POU6F2: variants seen among roughly 807,000 people sequenced by gnomAD.
POU6F2 encodes POU domain, class 6, transcription factor 2.
A neutral mutation model predicts 71.3 loss-of-function variants in POU6F2; 31 were observed. The ratio of observed to expected loss-of-function variants is 0.43; its 90% confidence interval spans 0.33 to 0.59. The LOEUF (loss-of-function observed/expected upper bound fraction) is 0.59. Ranked by LOEUF, POU6F2 falls within the 20% of genes least tolerant of loss-of-function variation. POU6F2 has a pLI of 0.04. For synonymous variants in POU6F2, 347 were observed against 355.7 expected (o/e 0.98, Z 0.27); for missense variants, 783 against 856.8 (o/e 0.91, Z 1.07).
chr7:39,431,454 G>A (rs976323766), intron 6 of POU6F2, among the ~76,000 whole-genome samples: 1 of 152,228 alleles, frequency 6.6e-6, no homozygotes, highest in African/African-American at 2.4e-5. Context: ...CATTTACTGA[G>A]AAACTATGTT....
At chr7:39,053,980 G>T (rs1047446755) in intron 1 of POU6F2, among the ~76,000 whole-genome samples, 1 of 151,968 alleles carries the variant, frequency 6.6e-6, no homozygotes. Flanking sequence ...GCACGTGCCT[G>T]TAGTACTAGC....
intron 5 of POU6F2, among the ~76,000 whole-genome samples, chr7:39,379,361 A>G (rs918436575): frequency 3.9e-5 from 6 of 152,152 alleles, no homozygotes; most frequent in Non-Finnish European, 8.8e-5. Context: ...CTGTAAATCA[A>G]TAGTGCTTTA....
intron 1 of POU6F2, among the ~76,000 whole-genome samples, chr7:39,057,769 G>T (rs905392145): frequency 4.6e-5 from 7 of 152,106 alleles, no homozygotes; most frequent in African/African-American, 1.4e-4. Flanking sequence ...AGGCTTTTCA[G>T]TTGACAGTTC....
chr7:39,279,839 C>T (rs1784528511), intron 4 of POU6F2, among the ~76,000 whole-genome samples: 1 of 152,210 alleles, frequency 6.6e-6, no homozygotes, highest in African/African-American at 2.4e-5. Flanking sequence ...CTCCACCTCC[C>T]GGGTTCAAGT....
intron 1 of POU6F2, among the ~76,000 whole-genome samples, chr7:39,007,746 A>C (rs1004714654): frequency 6.6e-6 from 1 of 151,068 alleles, no homozygotes; most frequent in African/African-American, 2.4e-5. Context: ...CTCATTGTTC[A>C]GTTCCCACCT....
intron 4 of POU6F2, among the ~76,000 whole-genome samples, chr7:39,254,871 C>T (rs980356170): frequency 2.0e-5 from 3 of 152,134 alleles, no homozygotes; most frequent in East Asian, 1.9e-4. Flanking sequence ...AGTTTAGGGC[C>T]GCAGCAGCAG....
intron 1 of POU6F2, among the ~76,000 whole-genome samples, chr7:39,044,832 G>T (rs1006929953): frequency 1.3e-5 from 2 of 151,906 alleles, no homozygotes; most frequent in Non-Finnish European, 2.9e-5. Flanking sequence ...TAAGAAGGCT[G>T]TGATTTTTTT....
intron 1 of POU6F2, among the ~76,000 whole-genome samples, chr7:39,055,221 G>C (rs1474278638): frequency 1.3e-5 from 2 of 152,138 alleles, no homozygotes; most frequent in African/African-American, 4.8e-5. Context: ...GTATGTCAGT[G>C]TGTGACTCTT....
rs556594499 is a variant in POU6F2, at chr7:39,307,780, C to G, written c.599-31862C>G. Among the ~76,000 whole-genome samples, 370 of 152,160 alleles carry G rather than the reference C, an allele frequency of 2.4e-3. 3 individuals are homozygous for G. The highest frequency in any genetic ancestry group is 8.4e-3 in the African/African-American group (350 of 41,512). ...GTCAGTAGTTCAAGACCAGCATGGT[C>G]AACATGGCAAAACCCCGTCTCTACT... On this transcript the variant is annotated intron_variant, in intron 4 of 9. Transcript: ENST00000518318.
chr7:39,003,568 T>C (rs1788973851), intron 1 of POU6F2, among the ~76,000 whole-genome samples: 1 of 128,610 alleles, frequency 7.8e-6, no homozygotes, highest in Non-Finnish European at 1.7e-5. Flanking sequence ...TGAAACCCCG[T>C]CTCTACTAAA....
At chr7:39,175,682 G>A (rs549850418) in intron 2 of POU6F2, among the ~76,000 whole-genome samples, 32 of 151,978 alleles carry the variant, frequency 2.1e-4, no homozygotes, top group African/African-American at 7.2e-4. Flanking sequence ...TGAAGAAAGG[G>A]GCCCACAAAG....
At chr7:39,080,987 CT>C (rs1791108128) in intron 1 of POU6F2, among the ~76,000 whole-genome samples, 1 of 152,078 alleles carries the variant, frequency 6.6e-6, no homozygotes, top group African/African-American at 2.4e-5. Context: ...ATGAATTCTC[CT>C]TCTTAATACA....
chr7:39,312,440 G>A (rs778422992), intron 4 of POU6F2, among the ~76,000 whole-genome samples: 5 of 152,100 alleles, frequency 3.3e-5, no homozygotes, highest in East Asian at 1.9e-4. Context: ...ATAAAGCTTC[G>A]AGAGAAAACG....
At chr7:39,223,318 C>T (rs142599522) in intron 4 of POU6F2, among the ~76,000 whole-genome samples, 131 of 152,184 alleles carry the variant, frequency 8.6e-4, no homozygotes, top group African/African-American at 2.9e-3. Context: ...ATCATCATTA[C>T]GGTATTTATA....
chr7:39,428,269 T>C (rs566077729), intron 6 of POU6F2, among the ~76,000 whole-genome samples: 1 of 152,350 alleles, frequency 6.6e-6, no homozygotes, highest in South Asian at 2.1e-4. Flanking sequence ...TCCTCTTTTG[T>C]GACTTATGCT....
At chr7:39,017,813 C>CGTGTGTGTGTGTGTGTGT (rs70977447) in intron 1 of POU6F2, among the ~76,000 whole-genome samples, 2 of 147,924 alleles carry the variant, frequency 1.4e-5, no homozygotes, top group African/African-American at 5.0e-5. Context: ...ATTGTGCATG[C>CGTGTGTGTGTGTGTGTGT]GTGTGTGTGT....
rs567272082 is a variant in POU6F2 at position 39,330,649 on chromosome 7, T to C, written c.599-8993T>C. ...AACACCCAAGTGCATCATCCTTTCATACTCCACCAAATGCTCAAAATCACA... is the reference window on the plus strand; with the variant it reads ...AACACCCAAGTGCATCATCCTTTCACACTCCACCAAATGCTCAAAATCACA... On this transcript the variant is annotated intron_variant, in intron 4 of 9. Coordinates refer to ENST00000518318, the MANE Select transcript of POU6F2 (RefSeq NM_001370959.1). Among the ~76,000 whole-genome samples the C allele has an allele frequency of 1.3e-4, 20 of 152,370 alleles. 1 individual carries two copies. In the South Asian group the frequency reaches 4.1e-3, roughly 32 times the overall value.
intron 2 of POU6F2, among the ~76,000 whole-genome samples, chr7:39,173,038 A>G (rs1299592201): frequency 6.6e-6 from 1 of 152,182 alleles, no homozygotes; most frequent in Non-Finnish European, 1.5e-5. Flanking sequence ...CCATATGTAA[A>G]AAGTAAAAGA....
chr7:39,058,543 CA>C (rs1472559241), intron 1 of POU6F2, among the ~76,000 whole-genome samples: 1 of 152,126 alleles, frequency 6.6e-6, no homozygotes, highest in Non-Finnish European at 1.5e-5. Flanking sequence ...CATCTTTTTC[CA>C]TCACTCTGCA....
Sources: gnomAD v4.1 joint callset for allele counts (sites outside exome capture counted in the v4.1 genomes callset) on GRCh38, gnomAD v4.1.1 for gene constraint, MANE v1.5 for transcripts, NCBI Gene and HGNC (gene_info 2026-07-23, HGNC 2026-07-21) for gene names.